The following NPR3 variants were observed in gnomAD, a reference collection of about 807,000 sequenced individuals.
The protein encoded by NPR3 is natriuretic peptide receptor 3.
In NPR3, 34 loss-of-function variants were observed where a neutral mutation model predicts 54.5. The ratio of observed to expected loss-of-function variants is 0.62; its 90% CI spans 0.47 to 0.83. The LOEUF (loss-of-function observed/expected upper bound fraction) is 0.83, where lower values mean the gene tolerates loss of function less well. Ranked by LOEUF, NPR3 falls within the 40% of genes least tolerant of loss-of-function variation. The probability of loss-of-function intolerance (pLI) is 0.00; values close to 1 mark genes in which losing one functional copy is unlikely to be tolerated. For missense variants in NPR3, 674 were observed against 720.8 expected (o/e 0.94, Z 0.74); for synonymous variants, 289 against 297.1 (o/e 0.97, Z 0.28).
chr5:32,764,686 G>T (rs917339353), intron 3 of NPR3, among the ~76,000 whole-genome samples: 1 of 150,432 alleles, frequency 6.6e-6, no homozygotes, highest in Non-Finnish European at 1.5e-5. Context: ...TACTTGGGAG[G>T]CTGAGGCAGG....
At chr5:32,769,868 A>T (rs907347735) in intron 3 of NPR3, among the ~76,000 whole-genome samples, 1 of 152,230 alleles carries the variant, frequency 6.6e-6, no homozygotes, top group Non-Finnish European at 1.5e-5. Context: ...TGAGGGATTC[A>T]TCTAACTATG....
intron 1 of NPR3, among the ~76,000 whole-genome samples, chr5:32,691,140 G>T (rs1490888516): frequency 2.0e-5 from 3 of 152,198 alleles, no homozygotes; most frequent in Admixed American, 6.5e-5. Context: ...AAGTTTTGGG[G>T]TGGTTTGCTA....
rs113456003 is a variant in NPR3 at position 32,703,612 on chromosome 5, G to T, written c.100+14426G>T. Among the ~76,000 whole-genome samples, 568 of 152,228 alleles carry T rather than the reference G, an allele frequency of 3.7e-3. 5 individuals carry two copies. Among genetic ancestry groups the T allele is most frequent in the African/African-American group, 0.013 (540 of 41,534 alleles). ...TGGGTCCTTCCCTTCAAGGCAGCAG[G>T]TTCCCTCCTTGCCCAGAATATTTCT... On this transcript the variant is annotated intron_variant, in intron 1 of 5. Transcript: ENST00000509104.
rs947419812 is a variant in NPR3 at position 32,724,825 on chromosome 5, C to T, written c.892+5C>T. 7 of 1,613,706 alleles carry T rather than the reference C, an allele frequency of 4.3e-6. No individual in the cohort carries two copies. The Admixed American group carries it at 5.0e-5, about 12-fold the overall frequency. Reference sequence around the variant, plus strand: ...TCTTCAACAGCTCTTCCTATGGTAACTCTGCTTCCACTTTCCCCTCCTCTG... The same window carrying T: ...TCTTCAACAGCTCTTCCTATGGTAATTCTGCTTCCACTTTCCCCTCCTCTG... On this transcript the variant is annotated splice_donor_5th_base_variant and intron_variant, in intron 2 of 7. Transcript: ENST00000265074.
intron 2 of NPR3, among the ~76,000 whole-genome samples, chr5:32,727,552 C>T (rs1318758784): frequency 6.6e-6 from 1 of 152,068 alleles, no homozygotes; most frequent in Non-Finnish European, 1.5e-5. Context: ...AATTGAATTT[C>T]TTTTTATGTT....
At chr5:32,728,041 G>T (rs529460507) in intron 2 of NPR3, among the ~76,000 whole-genome samples, 8 of 152,122 alleles carry the variant, frequency 5.3e-5, no homozygotes, top group Non-Finnish European at 8.8e-5. Flanking sequence ...TTAAAATATT[G>T]GGCCACCATG....
At chr5:32,771,730 G>C (rs531083613) in intron 3 of NPR3, among the ~76,000 whole-genome samples, 227 of 152,244 alleles carry the variant, frequency 1.5e-3, no homozygotes, top group African/African-American at 4.9e-3. Flanking sequence ...GGAACCCCAG[G>C]AACAAGTAGC....
intron 3 of NPR3, among the ~76,000 whole-genome samples, chr5:32,763,809 G>A (rs901690410): frequency 2.0e-5 from 3 of 152,074 alleles, no homozygotes; most frequent in Non-Finnish European, 4.4e-5. Context: ...TGGATATTAT[G>A]TTATAAAGAT....
At chr5:32,692,750 T>C (rs1352287325) in intron 1 of NPR3, among the ~76,000 whole-genome samples, 4 of 152,220 alleles carry the variant, frequency 2.6e-5, no homozygotes, top group Non-Finnish European at 5.9e-5. Context: ...AAATTTCTGT[T>C]CCTAGCATAA....
Position 32,787,722 on chromosome 5 carries a change from G to A in NPR3, c.*1377G>A, listed in dbSNP as rs568303935. The A allele has an allele frequency of 6.6e-6, 1 of 152,110 alleles. No individual in the cohort carries two copies. Among genetic ancestry groups the A allele is most frequent in the African/African-American group, 2.4e-5 (1 of 41,416 alleles). The allele number at this position is 152,110 out of a possible 1,614,324, so 9.4% of individuals were successfully genotyped here. A position where few individuals can be genotyped will look rare whatever the true frequency, so the allele number is the denominator to read the frequency against. On this transcript the variant is annotated 3_prime_UTR_variant, in exon 8 of 8. Transcript: ENST00000265074. ...TTGAGTAAGTTTTTACTGGGTATCT[G>A]CTTTGCACCCAGTAGTCTGCAACAT...
chr5:32,705,326 A>T (rs1841015), upstream of NPR3, among the ~76,000 whole-genome samples: 37,355 of 152,002 alleles, frequency 0.25, 4,756 homozygotes, highest in Middle Eastern at 0.38. Context: ...TAACCAACCA[A>T]TCTTGTTTGT....
intron 2 of NPR3, among the ~76,000 whole-genome samples, chr5:32,733,830 T>C (rs1190862399): frequency 6.6e-6 from 1 of 152,216 alleles, no homozygotes; most frequent in Non-Finnish European, 1.5e-5. Context: ...TTTTTGTCAA[T>C]CACCGCATAT....
At chr5:32,766,360 A>G (rs7724792) in intron 3 of NPR3, among the ~76,000 whole-genome samples, 46,925 of 152,132 alleles carry the variant, frequency 0.31, 7,786 homozygotes, top group African/African-American at 0.44. Flanking sequence ...TCAGCATTGT[A>G]TAGACAGCAG....
chr5:32,757,653 G>A (rs1243820649), intron 3 of NPR3, among the ~76,000 whole-genome samples: 1 of 152,178 alleles, frequency 6.6e-6, no homozygotes, highest in Non-Finnish European at 1.5e-5. Flanking sequence ...TAGGAGTGGT[G>A]AGAGAGGGCA....
intron 1 of NPR3, among the ~76,000 whole-genome samples, chr5:32,696,562 A>C (rs1030361433): frequency 3.3e-5 from 5 of 151,968 alleles, no homozygotes; most frequent in Admixed American, 6.6e-5. Context: ...ATTTTGATAG[A>C]GATTACATTG....
In NPR3 at chr5:32,789,354, A is replaced by AT. The variant is rs748559796; in HGVS notation, c.*3015dup. 1 of 444,186 alleles carries AT rather than the reference A, an allele frequency of 2.3e-6. No individual in the cohort carries two copies. The highest frequency in any genetic ancestry group is 1.8e-5 in the South Asian group (1 of 54,412). 27.5% of individuals were successfully genotyped at this position (444,186 alleles called of 1,614,324 possible). On this transcript the variant is annotated 3_prime_UTR_variant, in exon 8 of 8. Coordinates refer to ENST00000265074, the MANE Select transcript of NPR3 (RefSeq NM_001204375.2). Reference sequence around the variant, plus strand: ...CCCAGATAACTTCAATCTGGAAAGAATTTTTTGTATAGAGTCCATCTCTCC... The same window carrying AT: ...CCCAGATAACTTCAATCTGGAAAGAATTTTTTTGTATAGAGTCCATCTCTCC...
chr5:32,700,130 T>C (rs1055761218), intron 1 of NPR3, among the ~76,000 whole-genome samples: 6 of 152,234 alleles, frequency 3.9e-5, no homozygotes, highest in African/African-American at 1.2e-4. Context: ...GATCCTTTCT[T>C]TAACCTTGAC....
chr5:32,774,075 C>T (rs941216525), intron 3 of NPR3, among the ~76,000 whole-genome samples: 1 of 152,232 alleles, frequency 6.6e-6, no homozygotes, highest in Admixed American at 6.5e-5. Context: ...TGGAGCTTGG[C>T]AGGGAGTAGG....
rs754035882 is a variant in NPR3 at position 32,712,058 on chromosome 5, G to A, written c.282G>A (p.Pro94=). 16 of 1,613,864 alleles carry A rather than the reference G, an allele frequency of 9.9e-6. No homozygotes were observed. The highest frequency in any genetic ancestry group is 2.2e-5 in the East Asian group (1 of 44,864). The change falls in exon 1 of 8, where the codon CCG becomes CCA. Residue 94 remains proline (P), a synonymous_variant. Coordinates refer to ENST00000265074, the MANE Select transcript of NPR3 (RefSeq NM_001204375.2). ...EGNGTGRRLL[P]PGTRFQVAYE... Reference sequence around the variant, plus strand: ...ACGGGACTGGGAGGCGGCTTCTGCCGCCGGGCACTCGCTTCCAGGTGGCTT... The same window carrying A: ...ACGGGACTGGGAGGCGGCTTCTGCCACCGGGCACTCGCTTCCAGGTGGCTT...
Sources: gnomAD v4.1 joint callset for allele counts (sites outside exome capture counted in the v4.1 genomes callset) on GRCh38, gnomAD v4.1.1 for gene constraint, MANE v1.5 for transcripts, NCBI Gene and HGNC (gene_info 2026-07-23, HGNC 2026-07-21) for gene names.